Variants in SDK1 observed in about 807,000 individuals in gnomAD.
The protein encoded by SDK1 is protein sidekick-1.
SDK1 carries 157 observed loss-of-function variants against 245.5 expected under a neutral mutation model. The observed-to-expected ratio is 0.64, with a 90% CI of 0.56 to 0.73. SDK1 has a LOEUF of 0.73. Among genes scored for constraint, SDK1 ranks in the 30% least tolerant of loss-of-function variants. SDK1 has a pLI of 0.00. For synonymous variants in SDK1, 1,647 were observed against 1,278.5 expected (o/e 1.29, Z -6.15); for missense variants, 3,583 against 3,002.3 (o/e 1.19, Z -4.52).
intron 1 of SDK1, among the ~76,000 whole-genome samples, chr7:3,454,764 T>C (rs563330893): frequency 6.6e-6 from 1 of 152,340 alleles, no homozygotes; most frequent in Non-Finnish European, 1.5e-5. Context: ...GACATCTAGG[T>C]TACTTTCAGT....
intron 1 of SDK1, among the ~76,000 whole-genome samples, chr7:3,504,267 T>C (rs1380108772): frequency 6.8e-6 from 1 of 147,500 alleles, no homozygotes; most frequent in Non-Finnish European, 1.5e-5. Context: ...GTTGTTGTCG[T>C]TGTTGTTGTT....
intron 4 of SDK1, among the ~76,000 whole-genome samples, chr7:3,795,081 CAGAT>C (rs1326605051): frequency 5.3e-5 from 8 of 152,290 alleles, no homozygotes; most frequent in African/African-American, 1.9e-4. Flanking sequence ...TTCCTGTTCT[CAGAT>C]AGGGTGACAG....
intron 5 of SDK1, among the ~76,000 whole-genome samples, chr7:3,878,967 G>A (rs553025223): frequency 7.9e-5 from 12 of 152,218 alleles, no homozygotes; most frequent in African/African-American, 2.9e-4. Flanking sequence ...ATTAACATTT[G>A]CTAATACAGA....
chr7:3,676,662 A>G (rs1783914250), intron 4 of SDK1, among the ~76,000 whole-genome samples: 1 of 152,156 alleles, frequency 6.6e-6, no homozygotes, highest in Non-Finnish European at 1.5e-5. Flanking sequence ...TCTTATATTT[A>G]AGTCTTTAAA....
chr7:3,893,493 G>T (rs1212372163), intron 5 of SDK1, among the ~76,000 whole-genome samples: 2 of 151,894 alleles, frequency 1.3e-5, no homozygotes, highest in Admixed American at 6.6e-5. Flanking sequence ...AGCTCCTCAG[G>T]TACCTGAGCC....
chr7:3,398,785 T>C lies in SDK1; in HGVS notation c.298+96901T>C, dbSNP rs550394485. 8.5e-3 allele frequency among the ~76,000 whole-genome samples: 1,159 copies of C among 136,830 alleles called. 10 individuals carry two copies. Among genetic ancestry groups the C allele is most frequent in the South Asian group, 0.016 (61 of 3,860 alleles). The allele number at this position is 136,830 out of a possible 152,430, so 89.8% of individuals were successfully genotyped here. A position where few individuals can be genotyped will look rare whatever the true frequency, so the allele number is the denominator to read the frequency against. On this transcript the variant is annotated intron_variant, in intron 1 of 44. Coordinates refer to ENST00000404826, the MANE Select transcript of SDK1 (RefSeq NM_152744.4). Reference sequence around the variant, plus strand: ...CCCCAGTAGTTTTTTTTTTTTTTTTTCCTCAAGCTAGTTTATACTCAGCCT... The same window carrying C: ...CCCCAGTAGTTTTTTTTTTTTTTTTCCCTCAAGCTAGTTTATACTCAGCCT...
At chr7:4,249,757 G>A (rs537485646) in intron 44 of SDK1, among the ~76,000 whole-genome samples, 29 of 152,286 alleles carry the variant, frequency 1.9e-4, no homozygotes, top group African/African-American at 6.7e-4. Flanking sequence ...GGATTTGAAG[G>A]CACTCCATAT....
At chr7:4,216,592 G>A (rs919640745) in intron 38 of SDK1, among the ~76,000 whole-genome samples, 1 of 152,220 alleles carries the variant, frequency 6.6e-6, no homozygotes, top group African/African-American at 2.4e-5. Context: ...CAAACGCAGT[G>A]AAACATCAGG....
At chr7:3,432,743 C>T (rs761472588) in intron 1 of SDK1, among the ~76,000 whole-genome samples, 1 of 152,094 alleles carries the variant, frequency 6.6e-6, no homozygotes. Flanking sequence ...TAGATGGATA[C>T]CCACATTTAA....
chr7:3,458,616 G>A (rs1295114517), intron 1 of SDK1, among the ~76,000 whole-genome samples: 1 of 151,916 alleles, frequency 6.6e-6, no homozygotes, highest in African/African-American at 2.4e-5. Flanking sequence ...AACCTACCTG[G>A]AATGGATTTT....
In SDK1 at chr7:3,318,159, C is replaced by G. The variant is rs146036906; in HGVS notation, c.298+16275C>G. Among the ~76,000 whole-genome samples, 703 of 152,312 alleles carry G rather than the reference C, an allele frequency of 4.6e-3. 7 individuals are homozygous for G. Among genetic ancestry groups the G allele is most frequent in the African/African-American group, 0.016 (665 of 41,564 alleles). On this transcript the variant is annotated intron_variant, in intron 1 of 44. Transcript: ENST00000404826. ...AGGCTAGTCCCAGCGCATTTTTCGC[C>G]TATATTGTGTCTTAGAGATCATTTC...
chr7:3,371,940 A>G (rs1391045032), intron 1 of SDK1, among the ~76,000 whole-genome samples: 1 of 152,212 alleles, frequency 6.6e-6, no homozygotes, highest in Non-Finnish European at 1.5e-5. Context: ...CCCAGGAGAT[A>G]GAGCAGGTTG....
At chr7:3,346,347 C>T (rs771871031) in intron 1 of SDK1, among the ~76,000 whole-genome samples, 2 of 152,008 alleles carry the variant, frequency 1.3e-5, no homozygotes, top group Non-Finnish European at 2.9e-5. Flanking sequence ...TGTGAGCCTC[C>T]GTGCAAGGCT....
At chr7:3,959,706 G>C (rs937912371) in intron 8 of SDK1, among the ~76,000 whole-genome samples, 1 of 152,192 alleles carries the variant, frequency 6.6e-6, no homozygotes, top group Non-Finnish European at 1.5e-5. Context: ...ACATAACTCA[G>C]TGGCCTCCGG....
At chr7:3,605,490 C>G (rs968248027) in intron 1 of SDK1, among the ~76,000 whole-genome samples, 3 of 152,146 alleles carry the variant, frequency 2.0e-5, no homozygotes, top group South Asian at 2.1e-4. Flanking sequence ...GTTGACTTTT[C>G]CTTCTTATTG....
intron 1 of SDK1, among the ~76,000 whole-genome samples, chr7:3,569,163 T>G (rs1259210736): frequency 6.6e-6 from 1 of 152,054 alleles, no homozygotes; most frequent in African/African-American, 2.4e-5. Context: ...TTAAAGTTAG[T>G]GAAAAGAGTA....
chr7:3,870,416 A>C (rs1780928271), intron 5 of SDK1, among the ~76,000 whole-genome samples: 1 of 152,176 alleles, frequency 6.6e-6, no homozygotes, highest in South Asian at 2.1e-4. Flanking sequence ...TGTTATACTG[A>C]ACAAGAAGGA....
intron 1 of SDK1, among the ~76,000 whole-genome samples, chr7:3,550,399 A>G (rs1779363583): frequency 6.6e-6 from 1 of 152,210 alleles, no homozygotes; most frequent in African/African-American, 2.4e-5. Flanking sequence ...ACGAGTAAGA[A>G]CTATGTGTAT....
intron 1 of SDK1, among the ~76,000 whole-genome samples, chr7:3,417,610 C>A (rs986874044): frequency 6.6e-6 from 1 of 152,172 alleles, no homozygotes; most frequent in South Asian, 2.1e-4. Context: ...CTCTGTGTTT[C>A]CCTTTTGTAA....
Sources: gnomAD v4.1 joint callset for allele counts (sites outside exome capture counted in the v4.1 genomes callset) on GRCh38, gnomAD v4.1.1 for gene constraint, MANE v1.5 for transcripts, NCBI Gene and HGNC (gene_info 2026-07-23, HGNC 2026-07-21) for gene names.